Variants in HEATR5B observed in about 807,000 individuals in gnomAD.
The protein encoded by HEATR5B is HEAT repeat-containing protein 5B.
A neutral mutation model predicts 224.1 loss-of-function variants in HEATR5B; 156 were observed. The ratio of observed to expected loss-of-function variants is 0.70; its 90% CI spans 0.61 to 0.80. The LOEUF (loss-of-function observed/expected upper bound fraction) is 0.80, where lower values mean the gene tolerates loss of function less well. HEATR5B is among the 30% of genes least tolerant of loss of function. The pLI, the probability that HEATR5B is intolerant of heterozygous loss-of-function variation, is 0.00. For synonymous variants in HEATR5B, 1,027 were observed against 893.0 expected (o/e 1.15, Z -2.68); for missense variants, 2,323 against 2,535.5 (o/e 0.92, Z 1.80).
At chr2:36,992,777 T>A (rs1666420327) in intron 33 of HEATR5B, among the ~76,000 whole-genome samples, 1 of 151,846 alleles carries the variant, frequency 6.6e-6, no homozygotes, top group Non-Finnish European at 1.5e-5. Context: ...AGAGCTGGAG[T>A]GCAGTGCCAT....
intron 26 of HEATR5B, among the ~76,000 whole-genome samples, chr2:37,015,374 G>A (rs1358229762): frequency 1.3e-5 from 2 of 152,170 alleles, no homozygotes; most frequent in South Asian, 2.1e-4. Context: ...AAGAAAAAAT[G>A]TATATAGACA....
intron 21 of HEATR5B, among the ~76,000 whole-genome samples, chr2:37,033,630 A>T (rs1380154752): frequency 3.3e-5 from 5 of 152,178 alleles, no homozygotes; most frequent in Admixed American, 3.3e-4. Flanking sequence ...AATATAGTAC[A>T]CTCTAAAACA....
chr2:36,991,495 CAA>C (rs56351937), intron 33 of HEATR5B, among the ~76,000 whole-genome samples: 20,978 of 101,266 alleles, frequency 0.21, 1,483 homozygotes, highest in Non-Finnish European at 0.22. Context: ...AACTCTGTCT[CAA>C]AAAAAAAAAA....
chr2:37,058,595 C>G, intron 13 of HEATR5B, 35 bp from the exon 14 acceptor site: 2 of 1,396,116 alleles, frequency 1.4e-6, no homozygotes, highest in Non-Finnish European at 2.0e-6. Context: ...TAATGGCTTA[C>G]CAGAATAAGT....
In HEATR5B at chr2:37,075,560, G is replaced by C. The variant is rs1672175802; in HGVS notation, c.522C>G (p.Ser174=). 1.2e-6 allele frequency: 2 copies of C among 1,613,840 alleles called. No homozygotes were observed. Among genetic ancestry groups the C allele is most frequent in the African/African-American group, 1.3e-5 (1 of 75,030 alleles). Residue 174 remains serine (S), a synonymous_variant, in exon 5 of 36, where the codon TCC becomes TCG. Transcript: ENST00000233099. ...TGGCATTCTTGTAAATATCACGATG[G>C]GAGGAAGCTGCTGCACCACCCAGTC... The part of the protein sequence containing the change: ...LSGLGGAAAS[S]HRDIYKNARS...
chr2:37,046,657 A>AT (rs1403434417), intron 18 of HEATR5B, among the ~76,000 whole-genome samples: 2 of 150,940 alleles, frequency 1.3e-5, no homozygotes, highest in South Asian at 2.1e-4. Flanking sequence ...AAAAAAAAAA[A>AT]ATATTGAGAG....
At chr2:37,060,478 T>A (rs1671213820) in intron 12 of HEATR5B, 103 bp downstream of exon 12, 1 of 909,992 alleles carries the variant, frequency 1.1e-6, no homozygotes, top group Non-Finnish European at 1.6e-6. Flanking sequence ...AATTTATCAT[T>A]ACCTAGTAAA....
rs1668887684 is a variant in HEATR5B, at chr2:37,027,998, T to C, written c.3778A>G (p.Asn1260Asp). 6.2e-7 allele frequency: 1 copy of C among 1,614,110 alleles called. No homozygotes were observed. The highest frequency in any genetic ancestry group is 8.5e-7 in the Non-Finnish European group (1 of 1,180,002). ...FAADCLCRII[N>D]LCENADQAHF... is the part of the protein sequence containing the mutation. ...GCCTGGTCTGCATTCTCACACAAAT[T>C]GATGATTCGACACAGGCAATCGGCA... The change falls in exon 24 of 36, where the codon AAT becomes GAT. Residue 1260 changes from asparagine (N) to aspartate (D), a missense_variant. Asn to Asp is a conservative substitution (Grantham distance 23, BLOSUM62 1). This residue lies in a region of HEATR5B where 339 missense variants were observed against 378.4 expected (regional missense o/e 0.90). Coordinates refer to ENST00000233099, the MANE Select transcript of HEATR5B (RefSeq NM_019024.3).
At chr2:36,989,511 A>G (rs1377804556) in intron 34 of HEATR5B, among the ~76,000 whole-genome samples, 3 of 152,246 alleles carry the variant, frequency 2.0e-5, no homozygotes, top group Non-Finnish European at 2.9e-5. Flanking sequence ...GGAAGGTTAA[A>G]TATTTGAATG....
chr2:37,001,596 A>G (rs1667093413), intron 32 of HEATR5B, among the ~76,000 whole-genome samples: 2 of 151,506 alleles, frequency 1.3e-5, no homozygotes, highest in Non-Finnish European at 2.9e-5. Context: ...CATAAAATAC[A>G]CTAACATTAA....
intron 2 of HEATR5B, among the ~76,000 whole-genome samples, chr2:37,082,196 A>G (rs1046959302): frequency 6.8e-6 from 1 of 147,344 alleles, no homozygotes; most frequent in Non-Finnish European, 1.5e-5. Flanking sequence ...CAGCCTCCCC[A>G]GTAGCTGGGA....
At chr2:37,025,203 T>C (rs1572833405) in intron 24 of HEATR5B, among the ~76,000 whole-genome samples, 1 of 152,022 alleles carries the variant, frequency 6.6e-6, no homozygotes, top group Non-Finnish European at 1.5e-5. Flanking sequence ...GAACAAAATA[T>C]GTCAGACACT....
chr2:37,001,848 G>A (rs1273420229), intron 32 of HEATR5B, among the ~76,000 whole-genome samples: 1 of 152,046 alleles, frequency 6.6e-6, no homozygotes, highest in Non-Finnish European at 1.5e-5. Flanking sequence ...TGCATTTTTA[G>A]TAGAGATGGC....
chr2:37,071,362 T>C (rs1470494834), intron 6 of HEATR5B, among the ~76,000 whole-genome samples: 1 of 152,188 alleles, frequency 6.6e-6, no homozygotes, highest in African/African-American at 2.4e-5. Flanking sequence ...CCCTGAGATA[T>C]CTCTACGGAA....
chr2:37,077,412 C>T lies in HEATR5B; in HGVS notation c.339-393G>A, dbSNP rs1374343019. ...CAACCTCTGCCTCCTGGGTTCAAGC[C>T]ATTCTCCTGCCTCAGCTTCCTGAGT... On this transcript the variant is annotated intron_variant, in intron 3 of 35. Coordinates refer to ENST00000233099, the MANE Select transcript of HEATR5B (RefSeq NM_019024.3). Among the ~76,000 whole-genome samples, 10 of 152,082 alleles carry T rather than the reference C, an allele frequency of 6.6e-5. No homozygotes were observed. In the East Asian group the frequency reaches 1.9e-3, roughly 29 times the overall value.
At chr2:37,054,912 T>C (rs1261781636) in intron 16 of HEATR5B, among the ~76,000 whole-genome samples, 2 of 152,196 alleles carry the variant, frequency 1.3e-5, no homozygotes, top group Non-Finnish European at 2.9e-5. Context: ...GGTAATAAAA[T>C]CTCCCTGAGG....
chr2:37,078,112 T>C (rs763793427), intron 3 of HEATR5B, among the ~76,000 whole-genome samples: 11 of 152,174 alleles, frequency 7.2e-5, no homozygotes, highest in Admixed American at 2.6e-4. Flanking sequence ...CTATGTGTAG[T>C]TGGATCTTGG....
intron 8 of HEATR5B, among the ~76,000 whole-genome samples, chr2:37,068,048 A>G (rs1671691955): frequency 6.6e-6 from 1 of 152,282 alleles, no homozygotes; most frequent in Non-Finnish European, 1.5e-5. Flanking sequence ...CCTTGCTTTT[A>G]GTATTGCTTT....
chr2:37,002,225 T>A (rs1022643898), intron 32 of HEATR5B, 81 bp downstream of exon 32: 2 of 1,479,076 alleles, frequency 1.4e-6, no homozygotes, highest in African/African-American at 1.4e-5. Flanking sequence ...AACTGGGTTA[T>A]AACAGTGCTT....
Sources: gnomAD v4.1 joint callset for allele counts (sites outside exome capture counted in the v4.1 genomes callset) on GRCh38, gnomAD v4.1.1 for gene constraint, gnomAD v4.1.1 regional missense constraint, MANE v1.5 for transcripts, NCBI Gene and HGNC (gene_info 2026-07-23, HGNC 2026-07-21) for gene names.